The following PDS5B variants were observed in gnomAD, a reference collection of about 807,000 sequenced individuals.
PDS5B encodes the protein PDS5 cohesin associated factor B.
A neutral mutation model predicts 184.1 loss-of-function variants in PDS5B; 51 were observed. The observed-to-expected ratio is 0.28, with a 90% CI of 0.22 to 0.35. The LOEUF is 0.35. Ranked by LOEUF, PDS5B falls within the 10% of genes least tolerant of loss-of-function variation. The pLI is 1.00. For synonymous variants in PDS5B, 566 were observed against 569.2 expected (o/e 0.99, Z 0.08); for missense variants, 1,180 against 1,723.3 (o/e 0.68, Z 5.58).
chr13:32,758,418 T>A, intron 27 of PDS5B, 116 bp from the exon 28 acceptor site: 2 of 1,090,202 alleles, frequency 1.8e-6, no homozygotes, highest in Non-Finnish European at 2.7e-6. Context: ...TTACACAGAC[T>A]GTTGCTTTCA....
chr13:32,726,500 T>A (rs115787388), intron 19 of PDS5B, among the ~76,000 whole-genome samples: 311 of 152,346 alleles, frequency 2.0e-3, no homozygotes, highest in African/African-American at 7.3e-3. Context: ...TAGGTATTAC[T>A]GTGTTCCTAT....
At chr13:32,652,082 G>C (rs1322607211) in intron 3 of PDS5B, 75 bp downstream of exon 3, 2 of 949,628 alleles carry the variant, frequency 2.1e-6, no homozygotes, top group South Asian at 1.4e-5. Flanking sequence ...GGGAGTTAAG[G>C]TATTTAGATG....
At chr13:32,674,922 T>TG (rs937046605) in intron 8 of PDS5B, among the ~76,000 whole-genome samples, 4 of 137,876 alleles carry the variant, frequency 2.9e-5, no homozygotes, top group African/African-American at 1.1e-4. Flanking sequence ...GGAATAGAGG[T>TG]TTTTTTTTTT....
At position 32,758,554 on chromosome 13, in the gene PDS5B, T is replaced by C. The variant is rs1954267151; in HGVS notation, c.3210T>C (p.Asp1070=). The change falls in exon 28 of 35, where the codon GAT becomes GAC. Residue 1070 remains aspartate, a synonymous_variant. Coordinates refer to ENST00000315596, the MANE Select transcript of PDS5B (RefSeq NM_015032.4). ...TGCAGAAACTGTACACTGTGTGTGA[T>C]GTTGCCATGAATATCATCATGTCAA... ...KMNEKLYTVC[D]VAMNIIMSKS... is the part of the protein sequence containing the mutation. The C allele has an allele frequency of 1.2e-6, 2 of 1,612,010 alleles. No individual in the cohort carries two copies. The highest frequency in any genetic ancestry group is 1.7e-6 in the Non-Finnish European group (2 of 1,178,360).
At chr13:32,586,847 C>G (rs1470083821) in intron 1 of PDS5B, among the ~76,000 whole-genome samples, 1 of 142,396 alleles carries the variant, frequency 7.0e-6, no homozygotes, top group Non-Finnish European at 1.5e-5. Flanking sequence ...CCGCGGCCGG[C>G]GCGCGCCTCC....
At chr13:32,771,467 C>G (rs1954783429) in intron 33 of PDS5B, among the ~76,000 whole-genome samples, 3 of 152,080 alleles carry the variant, frequency 2.0e-5, no homozygotes, top group African/African-American at 7.2e-5. Flanking sequence ...AGCATGTCTT[C>G]TATTAGTCAG....
At chr13:32,655,026 T>A (rs1466595798) in intron 3 of PDS5B, among the ~76,000 whole-genome samples, 1 of 152,116 alleles carries the variant, frequency 6.6e-6, no homozygotes, top group Non-Finnish European at 1.5e-5. Context: ...TGATTTATAT[T>A]CCTTTGGTTA....
chr13:32,634,564 A>G lies in PDS5B; in HGVS notation c.-19-14190A>G, dbSNP rs77994360. On this transcript the variant is annotated intron_variant, in intron 1 of 34. Transcript: ENST00000315596. Reference sequence around the variant, plus strand: ...CCTAGAAGGGGAATTGCTAGGTCATATTGTAAGTTTACATTTAACTTTTTT... The same window carrying G: ...CCTAGAAGGGGAATTGCTAGGTCATGTTGTAAGTTTACATTTAACTTTTTT... Among the ~76,000 whole-genome samples the G allele has an allele frequency of 1.8e-3, 270 of 147,876 alleles. 6 individuals carry two copies. The East Asian group carries it at 0.046, about 25-fold the overall frequency.
intron 7 of PDS5B, among the ~76,000 whole-genome samples, chr13:32,671,846 G>T (rs552182807): frequency 6.6e-6 from 1 of 152,282 alleles, no homozygotes; most frequent in South Asian, 2.1e-4. Context: ...GTGGTATAAA[G>T]AATCCTTGAC....
At chr13:32,747,050 C>T (rs1953771261) in intron 24 of PDS5B, among the ~76,000 whole-genome samples, 1 of 152,144 alleles carries the variant, frequency 6.6e-6, no homozygotes, top group South Asian at 2.1e-4. Context: ...CCTTATTACT[C>T]AGTGAGTTAA....
chr13:32,605,197 T>A (rs1242151708), intron 1 of PDS5B, among the ~76,000 whole-genome samples: 1 of 152,238 alleles, frequency 6.6e-6, no homozygotes. Context: ...CTTTCTCTTT[T>A]ATAGCATTTA....
intron 1 of PDS5B, among the ~76,000 whole-genome samples, chr13:32,589,146 A>G (rs1343068237): frequency 6.6e-6 from 1 of 152,226 alleles, no homozygotes; most frequent in Non-Finnish European, 1.5e-5. Context: ...GATGATCTCC[A>G]ACTCACTTAT....
intron 1 of PDS5B, among the ~76,000 whole-genome samples, chr13:32,607,485 C>G (rs2140499335): frequency 6.6e-6 from 1 of 152,338 alleles, no homozygotes; most frequent in East Asian, 1.9e-4. Flanking sequence ...GGAGGTGTCT[C>G]CAGTTAGGCT....
rs1566397570 is a variant in PDS5B, at chr13:32,741,068, G to GTTTTTTTTTT, written c.2407-9_2407-8insTTTTTTTTTT. The GTTTTTTTTTT allele has an allele frequency of 7.8e-7, 1 of 1,281,030 alleles. No individual in the cohort carries two copies. 79.4% of individuals were successfully genotyped at this position (1,281,030 alleles called of 1,614,324 possible). A position where few individuals can be genotyped will look rare whatever the true frequency, so the allele number is the denominator to read the frequency against. ...AGTCCCTGGTTTTTTTTTTTTTCTC[G>GTTTTTTTTTT]TTTATTTTTAGCTTCCAGGGAAAAA... On this transcript the variant is annotated splice_polypyrimidine_tract_variant and intron_variant, in intron 21 of 34. Transcript: ENST00000315596.
intron 19 of PDS5B, among the ~76,000 whole-genome samples, chr13:32,711,212 T>A (rs550145906): frequency 5.3e-5 from 8 of 152,212 alleles, no homozygotes; most frequent in African/African-American, 1.9e-4. Flanking sequence ...CTTGAACTCC[T>A]GACCTCAGGT....
intron 34 of PDS5B, among the ~76,000 whole-genome samples, chr13:32,774,590 T>C (rs947480093): frequency 1.3e-5 from 2 of 152,228 alleles, no homozygotes; most frequent in African/African-American, 4.8e-5. Flanking sequence ...TATTTTACTG[T>C]ATTGATAATT....
At chr13:32,760,776 G>T (rs1954367871) in intron 30 of PDS5B, 56 bp downstream of exon 30, 1 of 1,491,352 alleles carries the variant, frequency 6.7e-7, no homozygotes, top group Non-Finnish European at 9.2e-7. Context: ...AAGGCTATGA[G>T]ATCTGAAATA....
intron 26 of PDS5B, among the ~76,000 whole-genome samples, chr13:32,756,289 G>A (rs1954176605): frequency 6.6e-6 from 1 of 150,810 alleles, no homozygotes; most frequent in African/African-American, 2.4e-5. Context: ...TTCATGTGAG[G>A]TCAATTAATC....
chr13:32,683,779 G>T (rs1056829648), intron 10 of PDS5B, 99 bp from the exon 11 acceptor site: 26 of 709,652 alleles, frequency 3.7e-5, no homozygotes, highest in Non-Finnish European at 2.1e-5. Flanking sequence ...TTCTATGTAG[G>T]TATTGTTTTG....
Sources: allele counts gnomAD v4.1 joint callset (sites outside exome capture counted in the v4.1 genomes callset), GRCh38; gene constraint gnomAD v4.1.1; transcripts MANE v1.5; gene names NCBI Gene and HGNC (gene_info 2026-07-23, HGNC 2026-07-21).